Variants in FAM216A observed in about 807,000 individuals in gnomAD.
The protein encoded by FAM216A is protein FAM216A.
Under a neutral mutation model 37.6 loss-of-function variants are expected in FAM216A, and 26 were observed. The observed-to-expected ratio is 0.69, with a 90% CI of 0.51 to 0.96. FAM216A has a LOEUF of 0.96. Among genes scored for constraint, FAM216A ranks in the 40% least tolerant of loss-of-function variants. The probability of loss-of-function intolerance (pLI) is 0.00; values close to 1 mark genes in which losing one functional copy is unlikely to be tolerated. For missense variants in FAM216A, 326 were observed against 339.3 expected, an observed-to-expected ratio of 0.96 and a Z score of 0.31; for synonymous variants, 110 against 121.7, an observed-to-expected ratio of 0.90 and a Z score of 0.64.
At chr12:110,482,956 T>C (rs1316021822) in intron 2 of FAM216A, among the ~76,000 whole-genome samples, 3 of 152,066 alleles carry the variant, frequency 2.0e-5, no homozygotes, top group Non-Finnish European at 2.9e-5. Context: ...CAAATGAATC[T>C]ATGGTAATAG....
intron 1 of FAM216A, among the ~76,000 whole-genome samples, chr12:110,471,423 A>C (rs999891820): frequency 1.3e-5 from 2 of 152,174 alleles, no homozygotes; most frequent in African/African-American, 4.8e-5. Context: ...TTGAGGCATA[A>C]TTTACACAAA....
chr12:110,486,722 G>C lies in FAM216A; in HGVS notation c.620+5G>C. On this transcript the variant is annotated splice_donor_5th_base_variant and intron_variant, in intron 5 of 6. Coordinates refer to ENST00000377673, the MANE Select transcript of FAM216A (RefSeq NM_013300.3). The stretch of plus-strand genomic sequence containing the variant: ...GCCAGTGAGAAACAAAGAAGGGTCT[G>C]TTTCTTAGTGTAAAAGGGGGGAAAT... The C allele has an allele frequency of 1.2e-6, 2 of 1,604,476 alleles. No individual in the cohort carries two copies. Among genetic ancestry groups the C allele is most frequent in the South Asian group, 2.2e-5 (2 of 89,006 alleles).
intron 2 of FAM216A, among the ~76,000 whole-genome samples, chr12:110,482,911 T>G (rs1440756079): frequency 6.6e-6 from 1 of 152,068 alleles, no homozygotes. Flanking sequence ...AAATGAGTAC[T>G]GTGTATTCCC....
At chr12:110,473,188 C>A in intron 2 of FAM216A, 70 bp downstream of exon 2, 1 of 790,742 alleles carries the variant, frequency 1.3e-6, no homozygotes, top group South Asian at 1.9e-5. Flanking sequence ...TTGTCTGTAA[C>A]TACTTACACA....
At position 110,486,548 on chromosome 12, in the gene FAM216A, C is replaced by A. The variant is rs758968678; in HGVS notation, c.451C>A (p.His151Asn). The change falls in exon 5 of 7, where the codon CAC (histidine) becomes AAC (asparagine). Residue 151 changes from histidine (H) to asparagine (N), a missense_variant. His to Asn is a moderately conservative substitution (Grantham distance 68, BLOSUM62 1). Transcript: ENST00000377673. ...SSQKPGVLTH[H>N]RSRLSSRYSQ... ...TTGTATCACAGGTGTCCTCACTCAT[C>A]ACAGAAGCCGCCTTAGCTCCCGTTA... 6.2e-7 allele frequency: 1 copy of A among 1,613,214 alleles called. No homozygotes were observed. The highest frequency in any genetic ancestry group is 1.3e-5 in the African/African-American group (1 of 74,896).
intron 6 of FAM216A, among the ~76,000 whole-genome samples, chr12:110,488,207 C>T (rs1288031845): frequency 1.3e-5 from 2 of 151,984 alleles, no homozygotes; most frequent in African/African-American, 4.8e-5. Context: ...GTCAAGAGTT[C>T]GAGACCCGCC....
At chr12:110,483,945 T>G (rs2062762045) in intron 2 of FAM216A, among the ~76,000 whole-genome samples, 1 of 152,148 alleles carries the variant, frequency 6.6e-6, no homozygotes, top group South Asian at 2.1e-4. Context: ...GTTACTCTAG[T>G]CTAATACAGA....
rs184852319 is a variant in FAM216A, at chr12:110,469,730, G to A, written c.143+712G>A. Among the ~76,000 whole-genome samples, 502 of 151,904 alleles carry A rather than the reference G, an allele frequency of 3.3e-3. 3 individuals are homozygous for A. Among genetic ancestry groups the A allele is most frequent in the Middle Eastern group, 0.01 (3 of 294 alleles). ...TCACCATGTTGGCTAGGCTTGTGTCGAACCCCTGACCTCAAGTGAGCCGCC... is the reference window on the plus strand; with the variant it reads ...TCACCATGTTGGCTAGGCTTGTGTCAAACCCCTGACCTCAAGTGAGCCGCC... On this transcript the variant is annotated intron_variant, in intron 1 of 6. Coordinates refer to ENST00000377673, the MANE Select transcript of FAM216A (RefSeq NM_013300.3).
chr12:110,473,659 G>T (rs1456227563), intron 2 of FAM216A, among the ~76,000 whole-genome samples: 1 of 152,276 alleles, frequency 6.6e-6, no homozygotes, highest in Non-Finnish European at 1.5e-5. Flanking sequence ...AATCCTAAAA[G>T]AACTGTATTT....
chr12:110,483,247 C>A (rs775996569), intron 2 of FAM216A, among the ~76,000 whole-genome samples: 2 of 149,994 alleles, frequency 1.3e-5, no homozygotes, highest in Non-Finnish European at 2.9e-5. Context: ...TGGCGTGAAC[C>A]CGGGAGGTGG....
chr12:110,475,832 G>A (rs1458123296), intron 2 of FAM216A, among the ~76,000 whole-genome samples: 1 of 152,064 alleles, frequency 6.6e-6, no homozygotes, highest in African/African-American at 2.4e-5. Flanking sequence ...CACCTCCTGG[G>A]CTCAAGTGAT....
intron 2 of FAM216A, among the ~76,000 whole-genome samples, chr12:110,474,438 C>T (rs1230655252): frequency 2.0e-5 from 3 of 151,808 alleles, no homozygotes; most frequent in Non-Finnish European, 4.4e-5. Context: ...ACCTGTAATC[C>T]CAGTACTTTG....
intron 6 of FAM216A, 53 bp from the exon 7 acceptor site, chr12:110,489,966 C>T: frequency 1.1e-6 from 1 of 874,414 alleles, no homozygotes; most frequent in Non-Finnish European, 1.9e-6. Context: ...GAAAGTTGTA[C>T]TTAGAGCTTT....
intron 1 of FAM216A, 76 bp downstream of exon 1, chr12:110,469,094 G>A (rs2062661752): frequency 4.5e-6 from 6 of 1,343,252 alleles, no homozygotes; most frequent in Non-Finnish European, 5.7e-6. Flanking sequence ...CGTGAGCCCC[G>A]TGGAGGAGGG....
At chr12:110,479,967 G>C (rs2062736716) in intron 2 of FAM216A, among the ~76,000 whole-genome samples, 1 of 151,746 alleles carries the variant, frequency 6.6e-6, no homozygotes, top group Admixed American at 6.6e-5. Flanking sequence ...AAAAGTTCTT[G>C]GGTTGGTTAA....
Position 110,490,013 on chromosome 12 carries a change from C to T in FAM216A, c.704-6C>T. 3 of 1,227,246 alleles carry T rather than the reference C, an allele frequency of 2.4e-6. No homozygotes were observed. Among genetic ancestry groups the T allele is most frequent in the Non-Finnish European group, 3.6e-6 (3 of 834,102 alleles). 76.0% of individuals were successfully genotyped at this position (1,227,246 alleles called of 1,614,324 possible). ...AGACAATTGTAAATTCTTATTTTTC[C>T]TTCAGTTTCTTCAGATGATTCTGAA... On this transcript the variant is annotated splice_region_variant and splice_polypyrimidine_tract_variant and intron_variant, in intron 6 of 6. Transcript: ENST00000377673.
intron 2 of FAM216A, among the ~76,000 whole-genome samples, chr12:110,481,553 G>A (rs2135550307): frequency 6.6e-6 from 1 of 150,784 alleles, no homozygotes; most frequent in South Asian, 2.1e-4. Flanking sequence ...TAGTAGAGAC[G>A]GGTTTCACCA....
At chr12:110,488,410 C>CAA (rs572459416) in intron 6 of FAM216A, among the ~76,000 whole-genome samples, 7 of 50,974 alleles carry the variant, frequency 1.4e-4, no homozygotes, top group Non-Finnish European at 2.1e-4. Context: ...GACTCCATCT[C>CAA]AAAAAAAAAA....
In FAM216A at chr12:110,468,909, G is replaced by A. The variant is rs370187257; in HGVS notation, c.34G>A (p.Gly12Ser). ...ACAGCTGCTCCCGCACACGGCTCGC[G>A]GTCTCGGCGCCGCGGAGATGCCCGG... Reference protein sequence around the residue: ...LGQLLPHTARGLGAAEMPGQG... With the variant: ...LGQLLPHTARSLGAAEMPGQG... The change falls in exon 1 of 7, where the codon GGT becomes AGT. Residue 12 changes from glycine (G) to serine (S), a missense_variant. Coordinates refer to ENST00000377673, the MANE Select transcript of FAM216A (RefSeq NM_013300.3). 6.8e-5 allele frequency: 104 copies of A among 1,521,554 alleles called. No individual in the cohort carries two copies. The highest frequency in any genetic ancestry group is 3.2e-4 in the Admixed American group (16 of 49,812). The allele number at this position is 1,521,554 out of a possible 1,614,324, so 94.3% of individuals were successfully genotyped here.
Sources: gnomAD v4.1 joint callset for allele counts (sites outside exome capture counted in the v4.1 genomes callset) on GRCh38, gnomAD v4.1.1 for gene constraint, MANE v1.5 for transcripts, NCBI Gene and HGNC (gene_info 2026-07-23, HGNC 2026-07-21) for gene names.